ARHGAP15: variants seen among roughly 807,000 people sequenced by gnomAD.
ARHGAP15 encodes the protein rho GTPase-activating protein 15.
A neutral mutation model predicts 63.7 loss-of-function variants in ARHGAP15; 51 were observed. The ratio of observed to expected loss-of-function variants is 0.80; its 90% CI spans 0.64 to 1.01. ARHGAP15 has a LOEUF of 1.01. Among genes scored for constraint, ARHGAP15 ranks in the 50% least tolerant of loss-of-function variants. ARHGAP15 has a pLI of 0.00. For synonymous variants in ARHGAP15, 191 were observed against 193.8 expected (o/e 0.99, Z 0.12); for missense variants, 560 against 564.6 (o/e 0.99, Z 0.08).
chr2:143,404,935 C>T (rs1054784691), intron 6 of ARHGAP15, among the ~76,000 whole-genome samples: 3 of 151,886 alleles, frequency 2.0e-5, no homozygotes, highest in Non-Finnish European at 2.9e-5. Flanking sequence ...TATTGGCATA[C>T]GCAGTATGAT....
At chr2:143,536,410 A>AT (rs1472783208) in intron 10 of ARHGAP15, among the ~76,000 whole-genome samples, 3 of 152,020 alleles carry the variant, frequency 2.0e-5, no homozygotes, top group Non-Finnish European at 4.4e-5. Context: ...TTTAGGGTAC[A>AT]TGTGCACAAC....
chr2:143,234,133 T>C (rs961435242), intron 5 of ARHGAP15, among the ~76,000 whole-genome samples: 2 of 152,248 alleles, frequency 1.3e-5, no homozygotes, highest in African/African-American at 4.8e-5. Context: ...CCAGTTCTTC[T>C]TTCTCCTTAA....
chr2:143,412,481 A>C (rs1407553586), intron 6 of ARHGAP15, among the ~76,000 whole-genome samples: 1 of 152,212 alleles, frequency 6.6e-6, no homozygotes, highest in East Asian at 1.9e-4. Flanking sequence ...ATTGTTATTG[A>C]GGATGAGTGC....
chr2:143,626,266 TAA>T (rs1300225054), intron 12 of ARHGAP15, among the ~76,000 whole-genome samples: 1 of 152,184 alleles, frequency 6.6e-6, no homozygotes, highest in Non-Finnish European at 1.5e-5. Flanking sequence ...CAAACAGTGC[TAA>T]AAGTGTTTCT....
intron 2 of ARHGAP15, among the ~76,000 whole-genome samples, chr2:143,196,598 C>T (rs1691894690): frequency 6.6e-6 from 1 of 151,862 alleles, no homozygotes; most frequent in South Asian, 2.1e-4. Context: ...GGCCCCTTTT[C>T]TTTTTCTAAA....
At chr2:143,332,740 T>C (rs947139898) in intron 6 of ARHGAP15, among the ~76,000 whole-genome samples, 3 of 152,182 alleles carry the variant, frequency 2.0e-5, no homozygotes, top group Non-Finnish European at 4.4e-5. Context: ...GGGATGCAGA[T>C]ACATAACACT....
intron 6 of ARHGAP15, among the ~76,000 whole-genome samples, chr2:143,268,695 T>A (rs189847865): frequency 3.9e-5 from 6 of 152,156 alleles, no homozygotes; most frequent in Admixed American, 3.3e-4. Context: ...ATGTATGAGA[T>A]GGTTGTTAGA....
At chr2:143,222,057 T>G (rs1304680551) in intron 4 of ARHGAP15, among the ~76,000 whole-genome samples, 3 of 152,238 alleles carry the variant, frequency 2.0e-5, no homozygotes, top group African/African-American at 7.2e-5. Context: ...AGGCTGAATC[T>G]TTCTTCATTT....
intron 2 of ARHGAP15, among the ~76,000 whole-genome samples, chr2:143,178,888 G>A (rs1189914086): frequency 1.3e-5 from 2 of 152,228 alleles, no homozygotes; most frequent in Non-Finnish European, 2.9e-5. Context: ...AATTGCTTGA[G>A]CACCGCTTTT....
intron 12 of ARHGAP15, among the ~76,000 whole-genome samples, chr2:143,674,291 T>C (rs1682716623): frequency 6.6e-6 from 1 of 152,170 alleles, no homozygotes; most frequent in African/African-American, 2.4e-5. Flanking sequence ...CACAGAGCAC[T>C]CAAAAATAAG....
intron 3 of ARHGAP15, among the ~76,000 whole-genome samples, chr2:143,210,368 G>T (rs1165364310): frequency 6.6e-6 from 1 of 151,364 alleles, no homozygotes; most frequent in Non-Finnish European, 1.5e-5. Context: ...CAGATGAAAG[G>T]TTCAGAAAAA....
At chr2:143,504,676 A>G (rs1317646547) in intron 9 of ARHGAP15, among the ~76,000 whole-genome samples, 1 of 152,126 alleles carries the variant, frequency 6.6e-6, no homozygotes, top group Non-Finnish European at 1.5e-5. Context: ...GTGTTGCACA[A>G]TTTGATGAAT....
intron 3 of ARHGAP15, among the ~76,000 whole-genome samples, chr2:143,209,804 C>G (rs181272193): frequency 2.4e-4 from 36 of 152,254 alleles, no homozygotes; most frequent in African/African-American, 8.7e-4. Context: ...GGAAAAGAGT[C>G]ACGGGTTTTG....
At chr2:143,473,432 A>C (rs765380606) in intron 8 of ARHGAP15, among the ~76,000 whole-genome samples, 5 of 152,190 alleles carry the variant, frequency 3.3e-5, no homozygotes, top group Non-Finnish European at 5.9e-5. Flanking sequence ...TTCCTAACTG[A>C]ACTGCTTGAC....
At chr2:143,241,468 A>G (rs1180222439) in intron 5 of ARHGAP15, among the ~76,000 whole-genome samples, 2 of 152,214 alleles carry the variant, frequency 1.3e-5, no homozygotes, top group Admixed American at 1.3e-4. Context: ...TTATTACTAC[A>G]TGAAGCAATA....
intron 9 of ARHGAP15, among the ~76,000 whole-genome samples, chr2:143,496,348 G>C (rs1692815437): frequency 6.6e-6 from 1 of 152,180 alleles, no homozygotes; most frequent in Admixed American, 6.5e-5. Context: ...GGTCTTGTGA[G>C]ATATTAAAAG....
chr2:143,621,955 G>A (rs1040276280), intron 11 of ARHGAP15, among the ~76,000 whole-genome samples: 6 of 151,972 alleles, frequency 3.9e-5, no homozygotes, highest in Admixed American at 1.3e-4. Flanking sequence ...GCACCAAAAC[G>A]GCATTTTGTG....
chr2:143,664,008 CAGAA>C (rs1160052813), intron 12 of ARHGAP15, among the ~76,000 whole-genome samples: 2 of 151,188 alleles, frequency 1.3e-5, no homozygotes, highest in African/African-American at 2.4e-5. Context: ...ATCAACGAGA[CAGAA>C]AGTCAACAAG....
At chr2:143,249,233 G>A (rs978234062) in intron 5 of ARHGAP15, among the ~76,000 whole-genome samples, 16 of 152,126 alleles carry the variant, frequency 1.1e-4, no homozygotes, top group African/African-American at 3.9e-4. Flanking sequence ...ATTCTATCCT[G>A]CCGGCTGGGT....
Sources: gnomAD v4.1 joint callset for allele counts (sites outside exome capture counted in the v4.1 genomes callset) on GRCh38, gnomAD v4.1.1 for gene constraint, MANE v1.5 for transcripts, NCBI Gene and HGNC (gene_info 2026-07-23, HGNC 2026-07-21) for gene names.